MKKS: variants seen among roughly 807,000 people sequenced by gnomAD.
The protein encoded by MKKS is MKKS centrosomal shuttling protein, also known as molecular chaperone MKKS.
Under a neutral mutation model 33.2 loss-of-function variants are expected in MKKS, and 29 were observed. The observed-to-expected ratio is 0.87, with a 90% CI of 0.65 to 1.19. The LOEUF (loss-of-function observed/expected upper bound fraction) is 1.19. Among genes scored for constraint, MKKS ranks in the 50% most tolerant of loss-of-function variants. MKKS has a pLI of 0.00. For synonymous variants in MKKS, 260 were observed against 244.0 expected (o/e 1.07, Z -0.61); for missense variants, 661 against 662.3 (o/e 1.00, Z 0.02).
At chr20:10,425,354 A>T (rs2065008898) in intron 1 of MKKS, among the ~76,000 whole-genome samples, 1 of 152,250 alleles carries the variant, frequency 6.6e-6, no homozygotes, top group Non-Finnish European at 1.5e-5. Context: ...GCTTTATTGC[A>T]AAATATGCTA....
chr20:10,431,527 AAAACC>A (rs60563851), intron 1 of MKKS, among the ~76,000 whole-genome samples: 4,103 of 150,810 alleles, frequency 0.027, 131 homozygotes, highest in African/African-American at 0.08. Context: ...ATAGGGTCAA[AAAACC>A]AAACCAAACC....
At chr20:10,431,219 C>T (rs557566675) in intron 1 of MKKS, among the ~76,000 whole-genome samples, 173 of 152,168 alleles carry the variant, frequency 1.1e-3, no homozygotes, top group African/African-American at 4.1e-3. Context: ...ATATTATCAT[C>T]GAATATTTTG....
intron 1 of MKKS, among the ~76,000 whole-genome samples, chr20:10,426,528 T>C (rs1165132571): frequency 6.6e-6 from 1 of 152,108 alleles, no homozygotes; most frequent in Non-Finnish European, 1.5e-5. Context: ...GCCTCCCAGG[T>C]AGCTGAGATT....
chr20:10,408,474 A>T (rs973396625), intron 4 of MKKS, among the ~76,000 whole-genome samples, 154 bp downstream of exon 4: 4 of 152,244 alleles, frequency 2.6e-5, no homozygotes, highest in Admixed American at 2.6e-4. Context: ...TGCCACAGGC[A>T]TTTAAATTAG....
rs1156560356 is a variant in MKKS at position 10,404,107 on chromosome 20, C to G, written c.*1140G>C. The G allele has an allele frequency of 6.6e-6, 1 of 152,112 alleles. No homozygotes were observed. Among genetic ancestry groups the G allele is most frequent in the East Asian group, 1.9e-4 (1 of 5,204 alleles). The allele number at this position is 152,112 out of a possible 1,614,324, so 9.4% of individuals were successfully genotyped here. ...GCTCCATGCTTATTCATGTGGCTGC[C>G]TTCTATATTTCTTCTTCAATTTATC... On this transcript the variant is annotated 3_prime_UTR_variant, in exon 6 of 6. Transcript: ENST00000347364.
chr20:10,412,193 A>C (rs1398016777), intron 3 of MKKS, among the ~76,000 whole-genome samples: 1 of 152,206 alleles, frequency 6.6e-6, no homozygotes, highest in East Asian at 1.9e-4. Flanking sequence ...ATGATTTAAA[A>C]GTTTTGTCAA....
At chr20:10,421,495 G>A (rs1451165529) in intron 1 of MKKS, among the ~76,000 whole-genome samples, 1 of 151,624 alleles carries the variant, frequency 6.6e-6, no homozygotes, top group Non-Finnish European at 1.5e-5. Flanking sequence ...TATGCAGTAA[G>A]AATTTAGGTT....
chr20:10,410,529 G>T (rs2064876144), intron 3 of MKKS, among the ~76,000 whole-genome samples: 1 of 152,140 alleles, frequency 6.6e-6, no homozygotes, highest in Non-Finnish European at 1.5e-5. Context: ...TACTAGGGAG[G>T]CTGAGACAGA....
chr20:10,420,982 C>A (rs1818482342), intron 1 of MKKS, among the ~76,000 whole-genome samples: 1 of 152,186 alleles, frequency 6.6e-6, no homozygotes, highest in Non-Finnish European at 1.5e-5. Context: ...GCAATACTGA[C>A]TTTTTGGCAA....
chr20:10,424,661 C>T (rs2065003203), intron 1 of MKKS, among the ~76,000 whole-genome samples: 1 of 152,008 alleles, frequency 6.6e-6, no homozygotes, highest in Non-Finnish European at 1.5e-5. Flanking sequence ...TGTTTATAAA[C>T]TCTTGCAGAG....
At position 10,412,551 on chromosome 20, in the gene MKKS, C is replaced by T; in HGVS notation, c.964G>A (p.Glu322Lys). 1 of 1,613,954 alleles carries T rather than the reference C, an allele frequency of 6.2e-7. No individual in the cohort carries two copies. The highest frequency in any genetic ancestry group is 8.5e-7 in the Non-Finnish European group (1 of 1,180,004). Residue 322 changes from glutamate (E) to lysine (K), a missense_variant, in exon 3 of 6, where the codon GAA (glutamate) becomes AAA (lysine). Transcript: ENST00000347364. ...TTACCTGTCATTTTAGTCAGGGGTTCCATCAGAGTCACTCCAATTCTGTCT... is the reference window on the plus strand; with the variant it reads ...TTACCTGTCATTTTAGTCAGGGGTTTCATCAGAGTCACTCCAATTCTGTCT... Reference protein sequence around the residue: ...AIDRIGVTLMEPLTKMTGTQP... With the variant: ...AIDRIGVTLMKPLTKMTGTQP...
At chr20:10,425,982 T>C (rs2065011943) in intron 1 of MKKS, among the ~76,000 whole-genome samples, 1 of 152,246 alleles carries the variant, frequency 6.6e-6, no homozygotes, top group African/African-American at 2.4e-5. Context: ...TAGTTTCATT[T>C]ACTAAAATGT....
rs771002171 is a variant in MKKS at position 10,413,208 on chromosome 20, T to C, written c.307A>G (p.Ile103Val). The C allele has an allele frequency of 6.2e-7, 1 of 1,614,066 alleles. No individual in the cohort carries two copies. The highest frequency in any genetic ancestry group is 1.3e-5 in the African/African-American group (1 of 74,922). ...AAGCCTAATCTCTGAACATTTTCAA[T>C]CAGGTTGCAGCAAAGAATAGCTGTG... ...LFTAILCCNL[I>V]ENVQRLGLTP... The change falls in exon 3 of 6, where the codon ATT (isoleucine) becomes GTT (valine). Residue 103 changes from isoleucine to valine, a missense_variant. Ile to Val is a conservative substitution (Grantham distance 29, BLOSUM62 3). Coordinates refer to ENST00000347364, the MANE Select transcript of MKKS (RefSeq NM_170784.3).
chr20:10,420,897 G>GCA (rs2064975968), intron 1 of MKKS, 139 bp from the exon 2 acceptor site: 1 of 152,124 alleles, frequency 6.6e-6, no homozygotes, highest in African/African-American at 2.4e-5. Context: ...ATAATACATT[G>GCA]CAATGTTAAT....
At chr20:10,409,617 T>C (rs1330255430) in intron 3 of MKKS, among the ~76,000 whole-genome samples, 1 of 152,150 alleles carries the variant, frequency 6.6e-6, no homozygotes, top group East Asian at 1.9e-4. Flanking sequence ...GCTAGTTTCC[T>C]TTTCTTTCAG....
chr20:10,413,369 C>A lies in MKKS; in HGVS notation c.146G>T (p.Gly49Val), dbSNP rs528833454. ...GGTTGTACACACGTAACCTCCAAAG[C>A]CATTGTGCAGCTGCTTCAGCCTACC... is the stretch of plus-strand genomic sequence containing the variant. ...PSGRLKQLHN[G>V]FGGYVCTTSQ... Residue 49 changes from glycine (G) to valine (V), a missense_variant, in exon 3 of 6, where the codon GGC becomes GTC. By Grantham distance (109) the Gly-to-Val change is moderately radical (BLOSUM62 -3). Transcript: ENST00000347364. The A allele has an allele frequency of 2.7e-5, 44 of 1,613,308 alleles. No homozygotes were observed. The Middle Eastern group carries it at 4.9e-4, about 18-fold the overall frequency.
At chr20:10,432,447 C>T (rs1047312869) in intron 1 of MKKS, among the ~76,000 whole-genome samples, 29 of 152,128 alleles carry the variant, frequency 1.9e-4, no homozygotes, top group African/African-American at 7.0e-4. Context: ...GGGATTGCAT[C>T]CAGGACCCAT....
intron 2 of MKKS, among the ~76,000 whole-genome samples, chr20:10,415,378 G>T (rs1208316958): frequency 1.3e-5 from 2 of 152,116 alleles, no homozygotes; most frequent in Admixed American, 6.5e-5. Flanking sequence ...GTGCAAAGAG[G>T]TGGGCAGAAC....
intron 1 of MKKS, among the ~76,000 whole-genome samples, chr20:10,423,413 T>C (rs879273424): frequency 4.6e-5 from 7 of 152,040 alleles, no homozygotes; most frequent in Non-Finnish European, 1.0e-4. Flanking sequence ...TGAAATGCGA[T>C]CGTTTCAAAA....
Sources: gnomAD v4.1 joint callset for allele counts (sites outside exome capture counted in the v4.1 genomes callset) on GRCh38, gnomAD v4.1.1 for gene constraint, MANE v1.5 for transcripts, NCBI Gene and HGNC (gene_info 2026-07-23, HGNC 2026-07-21) for gene names.